Variants in METTL23 observed in about 807,000 individuals in gnomAD.
METTL23 encodes histone-arginine methyltransferase METTL23.
A neutral mutation model predicts 21.2 loss-of-function variants in METTL23; 24 were observed. That is an observed-to-expected ratio of 1.13 (90% confidence interval 0.82 to 1.59). The LOEUF (loss-of-function observed/expected upper bound fraction) is 1.59. Ranked by LOEUF, METTL23 falls within the 40% of genes most tolerant of loss-of-function variation. The probability of loss-of-function intolerance (pLI) is 0.00; values close to 1 mark genes in which losing one functional copy is unlikely to be tolerated. For missense variants in METTL23, 276 were observed against 221.4 expected, an observed-to-expected ratio of 1.25 and a Z score of -1.57; for synonymous variants, 97 against 75.2, an observed-to-expected ratio of 1.29 and a Z score of -1.50.
At position 76,733,066 on chromosome 17, in the gene METTL23, G is replaced by A; in HGVS notation, c.173G>A (p.Cys58Tyr). ...ILSDSSELPH[C>Y]LEVCRQSCQM... Reference sequence around the variant, plus strand: ...TCAGACAGCTCAGAACTGCCTCACTGTCTGGAAGTCTGTCGGCAAAGCTGC... The same window carrying A: ...TCAGACAGCTCAGAACTGCCTCACTATCTGGAAGTCTGTCGGCAAAGCTGC... The change falls in exon 3 of 5, where the codon TGT becomes TAT. Residue 58 changes from cysteine (C) to tyrosine (Y), a missense_variant. Physicochemically the swap from Cys to Tyr is radical, Grantham distance 194. Coordinates refer to ENST00000341249, the MANE Select transcript of METTL23 (RefSeq NM_001080510.5). The A allele has an allele frequency of 6.2e-7, 1 of 1,607,556 alleles. No individual in the cohort carries two copies. Among genetic ancestry groups the A allele is most frequent in the Non-Finnish European group, 8.5e-7 (1 of 1,176,552 alleles).
At chr17:76,726,416 G>C (rs1248072182), upstream of METTL23, 8 of 1,604,862 alleles carry the variant, frequency 5.0e-6, no homozygotes, top group Admixed American at 3.4e-5. Flanking sequence ...GCGAGTCCTT[G>C]AGCTCCGGCC....
At chr17:76,731,828 G>GT (rs1273958266) in intron 2 of METTL23, among the ~76,000 whole-genome samples, 12 of 152,210 alleles carry the variant, frequency 7.9e-5, no homozygotes, top group Admixed American at 1.3e-4. Context: ...GGTCCTAGTT[G>GT]TAATTGCTGG....
At chr17:76,730,094 C>A (rs2077137370) in intron 2 of METTL23, among the ~76,000 whole-genome samples, 1 of 151,762 alleles carries the variant, frequency 6.6e-6, no homozygotes, top group African/African-American at 2.4e-5. Flanking sequence ...GAGTTCGAGA[C>A]CAGCCTGGCC....
In METTL23 at chr17:76,733,559, A is replaced by T. The variant is rs1244077523; in HGVS notation, c.446A>T (p.Asp149Val). 6.2e-7 allele frequency: 1 copy of T among 1,613,764 alleles called. No individual in the cohort carries two copies. Among genetic ancestry groups the T allele is most frequent in the Non-Finnish European group, 8.5e-7 (1 of 1,179,876 alleles). Residue 149 changes from aspartate (D) to valine (V), a missense_variant, in exon 5 of 5, where the codon GAT becomes GTT. Coordinates refer to ENST00000341249, the MANE Select transcript of METTL23 (RefSeq NM_001080510.5). ...WSLEALLYKW[D>V]MKCVHIPLES... is the part of the protein sequence containing the mutation. ...CTTGAAGCTTTACTCTACAAATGGG[A>T]TATGAAATGTGTCCACATTCCTCTT...
chr17:76,727,150 G>T lies in METTL23; in HGVS notation c.-50G>T. ...GAGGAGCCGGGTCCGGGGGCCGACG[G>T]GGCTGTCCTGGAGGTCCACGTCCCG... On this transcript the variant is annotated 5_prime_UTR_variant, in exon 1 of 5. Coordinates refer to ENST00000341249, the MANE Select transcript of METTL23 (RefSeq NM_001080510.5). The T allele has an allele frequency of 8.9e-6, 4 of 447,484 alleles. No homozygotes were observed. The highest frequency in any genetic ancestry group is 4.7e-5 in the South Asian group (3 of 63,830). The allele number at this position is 447,484 out of a possible 1,614,324, so 27.7% of individuals were successfully genotyped here.
chr17:76,729,803 G>A lies in METTL23; in HGVS notation c.84+9G>A. On this transcript the variant is annotated intron_variant, in intron 2 of 4. Coordinates refer to ENST00000341249, the MANE Select transcript of METTL23 (RefSeq NM_001080510.5). ...GCAAGGCCATCTTAGAGGTACAAATGCCCCTGAAGTTTCCAGAGTTCTAGG... is the reference window on the plus strand; with the variant it reads ...GCAAGGCCATCTTAGAGGTACAAATACCCCTGAAGTTTCCAGAGTTCTAGG... The A allele has an allele frequency of 6.3e-7, 1 of 1,579,858 alleles. No homozygotes were observed. Among genetic ancestry groups the A allele is most frequent in the Non-Finnish European group, 8.6e-7 (1 of 1,159,640 alleles).
chr17:76,733,449 T>C (rs1279695475), intron 4 of METTL23, 72 bp downstream of exon 4: 3 of 1,598,570 alleles, frequency 1.9e-6, no homozygotes, highest in Non-Finnish European at 2.6e-6. Context: ...CGATACATAA[T>C]TTAAGAATAG....
Position 76,733,582 on chromosome 17 carries a change from C to A in METTL23, c.469C>A (p.Leu157Ile). The A allele has an allele frequency of 1.9e-6, 3 of 1,613,888 alleles. No homozygotes were observed. Among genetic ancestry groups the A allele is most frequent in the Non-Finnish European group, 2.5e-6 (3 of 1,179,842 alleles). Residue 157 changes from leucine (L) to isoleucine (I), a missense_variant, in exon 5 of 5, where the codon CTT (leucine) becomes ATT (isoleucine). Transcript: ENST00000341249. ...GGATATGAAATGTGTCCACATTCCT[C>A]TTGAGTCTTTTGATGCAGACAAAGA... ...KWDMKCVHIP[L>I]ESFDADKEDI...
upstream of METTL23, chr17:76,726,465 T>C (rs1286679357): frequency 2.5e-6 from 4 of 1,601,912 alleles, no homozygotes; most frequent in South Asian, 2.2e-5. Flanking sequence ...CTTCTTGCTC[T>C]TGTGGTTCAT....
At position 76,733,683 on chromosome 17, in the gene METTL23, C is replaced by T. The variant is rs774784431; in HGVS notation, c.570C>T (p.Leu190=). The T allele has an allele frequency of 6.2e-7, 1 of 1,612,028 alleles. No homozygotes were observed. The highest frequency in any genetic ancestry group is 8.5e-7 in the Non-Finnish European group (1 of 1,179,140). ...TCATTTCCTTTGCAAAGGACAGTCTCTGAATTATACCTACAACCTGTTCTG... is the reference window on the plus strand; with the variant it reads ...TCATTTCCTTTGCAAAGGACAGTCTTTGAATTATACCTACAACCTGTTCTG... The part of the protein sequence containing the change: ...MLVISFAKDS[L] Residue 190 remains leucine (L), a synonymous_variant, in exon 5 of 5, where the codon CTC becomes CTT. Transcript: ENST00000341249.
Position 76,732,924 on chromosome 17 carries a change from A to G in METTL23, c.85-54A>G. On this transcript the variant is annotated intron_variant, in intron 2 of 4. Transcript: ENST00000341249. The stretch of plus-strand genomic sequence containing the variant: ...TAATGAAAAAGTACTAAGATTCCCA[A>G]TTATTTGCAGTTCCAAGTATAATTG... 5 of 1,395,466 alleles carry G rather than the reference A, an allele frequency of 3.6e-6. No homozygotes were observed. In the South Asian group the frequency reaches 6.2e-5, roughly 17 times the overall value. The allele number at this position is 1,395,466 out of a possible 1,614,324, so 86.4% of individuals were successfully genotyped here.
intron 2 of METTL23, among the ~76,000 whole-genome samples, chr17:76,731,363 A>G (rs965825295): frequency 1.3e-5 from 2 of 152,234 alleles, no homozygotes; most frequent in African/African-American, 4.8e-5. Context: ...GGTGAGGGCC[A>G]GAATTCTGGT....
chr17:76,732,637 C>T (rs898817527), intron 2 of METTL23: 11 of 313,324 alleles, frequency 3.5e-5, no homozygotes, highest in Admixed American at 8.9e-5. Context: ...AGCAAGACTC[C>T]GTCTCAAAAA....
intron 2 of METTL23, among the ~76,000 whole-genome samples, chr17:76,731,962 C>T (rs1055260896): frequency 3.9e-5 from 6 of 152,190 alleles, no homozygotes. Flanking sequence ...AGCATCTTGC[C>T]GCTTTGAAGG....
At chr17:76,729,930 A>T in intron 2 of METTL23, 136 bp downstream of exon 2, 1 of 651,100 alleles carries the variant, frequency 1.5e-6, no homozygotes, top group Non-Finnish European at 2.7e-6. Flanking sequence ...AAGGTCTGTG[A>T]GCTAAGAATG....
upstream of METTL23, chr17:76,726,510 C>T (rs749088772): frequency 1.3e-6 from 2 of 1,570,400 alleles, no homozygotes; most frequent in South Asian, 1.1e-5. Context: ...GCTACGACCT[C>T]GGCGCAGCCC....
intron 1 of METTL23, 75 bp downstream of exon 1, chr17:76,727,253 G>T: frequency 2.9e-6 from 1 of 349,792 alleles, no homozygotes; most frequent in Non-Finnish European, 5.7e-6. Flanking sequence ...GGGTTCCTGA[G>T]GGACCGGGGG....
upstream of METTL23, chr17:76,726,469 G>T (rs774212084): frequency 6.2e-7 from 1 of 1,600,128 alleles, no homozygotes; most frequent in Admixed American, 1.7e-5. Context: ...TTGCTCTTGT[G>T]GTTCATTCTG....
chr17:76,731,895 GT>G (rs2077220666), intron 2 of METTL23, among the ~76,000 whole-genome samples: 1 of 152,182 alleles, frequency 6.6e-6, no homozygotes, highest in South Asian at 2.1e-4. Context: ...TGGGAAGCTT[GT>G]GTTTATGCTA....
Sources: gnomAD v4.1 joint callset for allele counts (sites outside exome capture counted in the v4.1 genomes callset) on GRCh38, gnomAD v4.1.1 for gene constraint, MANE v1.5 for transcripts, NCBI Gene and HGNC (gene_info 2026-07-23, HGNC 2026-07-21) for gene names.